MARCHF1: variants seen among roughly 807,000 people sequenced by gnomAD.
MARCHF1 encodes membrane associated ring-CH-type finger 1, also known as E3 ubiquitin-protein ligase MARCHF1.
A neutral mutation model predicts 54.2 loss-of-function variants in MARCHF1; 40 were observed. That is an observed-to-expected ratio of 0.74 (90% CI 0.57 to 0.96). MARCHF1 has a LOEUF of 0.96. MARCHF1 is among the 40% of genes least tolerant of loss of function. MARCHF1 has a pLI of 0.00. For synonymous variants in MARCHF1, 236 were observed against 236.3 expected, an observed-to-expected ratio of 1.00 and a Z score of 0.01; for missense variants, 586 against 656.5, an observed-to-expected ratio of 0.89 and a Z score of 1.17.
At chr4:163,788,126 AAGTT>A (rs1254647462) in intron 4 of MARCHF1, among the ~76,000 whole-genome samples, 3 of 151,852 alleles carry the variant, frequency 2.0e-5, no homozygotes, top group Admixed American at 2.0e-4. Flanking sequence ...GTGATGGAAA[AAGTT>A]AGAGATCTGC....
chr4:164,211,213 C>T (rs556448976), intron 1 of MARCHF1, among the ~76,000 whole-genome samples: 1 of 151,686 alleles, frequency 6.6e-6, no homozygotes, highest in East Asian at 1.9e-4. Context: ...TTTAAAGATT[C>T]TTACTCCCAA....
intron 2 of MARCHF1, among the ~76,000 whole-genome samples, chr4:164,095,635 A>G (rs1328757863): frequency 1.3e-5 from 2 of 152,194 alleles, no homozygotes; most frequent in African/African-American, 2.4e-5. Context: ...TATGAACTGT[A>G]TCTGTTACTG....
chr4:164,101,726 G>A (rs1035167332), intron 2 of MARCHF1, among the ~76,000 whole-genome samples: 9 of 141,356 alleles, frequency 6.4e-5, no homozygotes, highest in East Asian at 6.1e-4. Flanking sequence ...CCAAAGGAAC[G>A]CAGTTCCTCA....
At chr4:163,645,941 A>G (rs942501284) in intron 5 of MARCHF1, among the ~76,000 whole-genome samples, 1 of 152,196 alleles carries the variant, frequency 6.6e-6, no homozygotes, top group African/African-American at 2.4e-5. Context: ...AAGAGAACAA[A>G]AAAGGAGCAA....
At chr4:164,111,728 G>A (rs1301201040) in intron 1 of MARCHF1, 66 bp from the exon 2 acceptor site, 1 of 151,638 alleles carries the variant, frequency 6.6e-6, no homozygotes. Context: ...ACTATGGTTT[G>A]TATAATGGAA....
intron 4 of MARCHF1, among the ~76,000 whole-genome samples, chr4:163,828,455 C>T (rs2111083910): frequency 6.6e-6 from 1 of 152,066 alleles, no homozygotes; most frequent in African/African-American, 2.4e-5. Context: ...AATAATGTAG[C>T]TGAATGGGGG....
intron 3 of MARCHF1, among the ~76,000 whole-genome samples, chr4:163,904,791 A>AAG (rs377280705): frequency 0.051 from 651 of 12,814 alleles, 3 homozygotes; most frequent in Middle Eastern, 0.2. Flanking sequence ...CAGAGAGAGA[A>AAG]AGAGAGAGAG....
intron 5 of MARCHF1, among the ~76,000 whole-genome samples, chr4:163,694,889 A>T (rs554231449): frequency 6.6e-6 from 1 of 152,250 alleles, no homozygotes; most frequent in Non-Finnish European, 1.5e-5. Context: ...GAATAATTAA[A>T]CTAAATTTAT....
At chr4:163,938,398 G>T (rs957071237) in intron 3 of MARCHF1, among the ~76,000 whole-genome samples, 7 of 152,128 alleles carry the variant, frequency 4.6e-5, no homozygotes, top group African/African-American at 1.7e-4. Flanking sequence ...CATTAGGAAG[G>T]TGCCATTTGA....
At chr4:163,782,012 T>A (rs145481241) in intron 4 of MARCHF1, among the ~76,000 whole-genome samples, 2 of 152,284 alleles carry the variant, frequency 1.3e-5, no homozygotes, top group Non-Finnish European at 2.9e-5. Flanking sequence ...CATCTTTCCC[T>A]CTGAGCTACT....
intron 3 of MARCHF1, among the ~76,000 whole-genome samples, chr4:163,905,483 G>A (rs1422605451): frequency 1.3e-5 from 2 of 151,976 alleles, no homozygotes; most frequent in African/African-American, 4.8e-5. Context: ...AGTTCACTTT[G>A]CATATATTTT....
intron 1 of MARCHF1, among the ~76,000 whole-genome samples, chr4:164,333,197 A>G: frequency 6.6e-6 from 1 of 152,324 alleles, no homozygotes; most frequent in East Asian, 1.9e-4. Context: ...TTTACATAAT[A>G]AAGATGTAAT....
chr4:163,801,066 C>T (rs1036432943), intron 4 of MARCHF1, among the ~76,000 whole-genome samples: 3 of 152,048 alleles, frequency 2.0e-5, no homozygotes, highest in Non-Finnish European at 4.4e-5. Context: ...CTGGCATTCA[C>T]AGAAAACTGT....
At chr4:163,648,916 TG>T (rs754193381) in intron 5 of MARCHF1, among the ~76,000 whole-genome samples, 84 of 127,698 alleles carry the variant, frequency 6.6e-4, no homozygotes, top group Non-Finnish European at 9.8e-4. Context: ...ACACAATCTT[TG>T]GGGGAAAAAA....
intron 8 of MARCHF1, among the ~76,000 whole-genome samples, chr4:163,565,235 T>G (rs953493250): frequency 6.6e-6 from 1 of 152,238 alleles, no homozygotes; most frequent in African/African-American, 2.4e-5. Flanking sequence ...CTTTTAACTT[T>G]AATGCTTTAA....
At chr4:164,186,262 G>A (rs1730967813) in intron 1 of MARCHF1, among the ~76,000 whole-genome samples, 2 of 152,168 alleles carry the variant, frequency 1.3e-5, no homozygotes, top group Non-Finnish European at 2.9e-5. Flanking sequence ...CGTGAATAAC[G>A]TGTTAAATTC....
intron 5 of MARCHF1, among the ~76,000 whole-genome samples, chr4:163,658,245 G>A (rs1223068004): frequency 6.6e-6 from 1 of 151,694 alleles, no homozygotes; most frequent in East Asian, 1.9e-4. Flanking sequence ...GTGGATAAAG[G>A]ACATCAACAG....
intron 1 of MARCHF1, among the ~76,000 whole-genome samples, chr4:164,264,533 G>A (rs532317507): frequency 1.3e-5 from 2 of 151,780 alleles, no homozygotes; most frequent in Non-Finnish European, 2.9e-5. Context: ...CTGGTAATAT[G>A]TAATATGAAA....
chr4:163,718,560 CA>C (rs1202519627), intron 4 of MARCHF1, among the ~76,000 whole-genome samples: 31 of 152,298 alleles, frequency 2.0e-4, no homozygotes, highest in African/African-American at 7.2e-4. Flanking sequence ...TGTAGAAAGG[CA>C]AAACCCATGT....
Sources: allele counts gnomAD v4.1 joint callset (sites outside exome capture counted in the v4.1 genomes callset), GRCh38; gene constraint gnomAD v4.1.1; transcripts MANE v1.5; gene names NCBI Gene and HGNC (gene_info 2026-07-23, HGNC 2026-07-21).